LRBA: variants seen among roughly 807,000 people sequenced by gnomAD.
LRBA encodes the protein lipopolysaccharide-responsive and beige-like anchor protein.
LRBA carries 176 observed loss-of-function variants against 330.0 expected under a neutral mutation model. That is an observed-to-expected ratio of 0.53 (90% confidence interval 0.47 to 0.60). The LOEUF is 0.60. Ranked by LOEUF, LRBA falls within the 20% of genes least tolerant of loss-of-function variation. The pLI, the probability that LRBA is intolerant of heterozygous loss-of-function variation, is 0.00. For missense variants in LRBA, 3,259 were observed against 3,444.8 expected (o/e 0.95, Z 1.35); for synonymous variants, 1,230 against 1,193.0 (o/e 1.03, Z -0.64).
chr4:150,788,479 G>A, intron 34 of LRBA, among the ~76,000 whole-genome samples: 1 of 151,986 alleles, frequency 6.6e-6, no homozygotes, highest in Non-Finnish European at 1.5e-5. Context: ...AGGTTACACA[G>A]TAAATAAGTA....
intron 40 of LRBA, chr4:150,582,994 G>A (rs371518534): frequency 1.1e-5 from 17 of 1,538,724 alleles, no homozygotes; most frequent in Middle Eastern, 2.1e-4. Context: ...AACGTATTGC[G>A]AGACGCCGGT....
intron 4 of LRBA, among the ~76,000 whole-genome samples, chr4:150,927,230 G>A (rs1009044910): frequency 7.2e-5 from 11 of 151,728 alleles, no homozygotes; most frequent in East Asian, 1.9e-4. Context: ...AAAATTAGCC[G>A]CACTTGGTGG....
intron 4 of LRBA, among the ~76,000 whole-genome samples, chr4:150,925,874 T>C (rs1192268461): frequency 1.3e-5 from 2 of 152,186 alleles, no homozygotes; most frequent in African/African-American, 4.8e-5. Context: ...GACCTGGACT[T>C]ACCAACCTAC....
intron 2 of LRBA, chr4:151,013,678 T>G (rs1035149300): frequency 5.3e-5 from 8 of 152,094 alleles, no homozygotes; most frequent in African/African-American, 1.9e-4. Flanking sequence ...CTGGGCAACA[T>G]AGAGAGGCCT....
intron 53 of LRBA, among the ~76,000 whole-genome samples, chr4:150,293,100 A>G (rs1178980827): frequency 6.6e-6 from 1 of 152,178 alleles, no homozygotes; most frequent in African/African-American, 2.4e-5. Flanking sequence ...ATTATAGATA[A>G]AAAACAAAAA....
intron 37 of LRBA, among the ~76,000 whole-genome samples, chr4:150,636,765 A>C (rs559183139): frequency 1.6e-4 from 24 of 152,290 alleles, no homozygotes; most frequent in Non-Finnish European, 2.9e-4. Flanking sequence ...CTTCTGCCTC[A>C]GCCTCCCAAG....
intron 34 of LRBA, among the ~76,000 whole-genome samples, chr4:150,791,362 G>A (rs1190655068): frequency 6.6e-6 from 1 of 152,132 alleles, no homozygotes; most frequent in Non-Finnish European, 1.5e-5. Context: ...TTCAACCAAG[G>A]AAAATTGTTA....
chr4:150,502,812 G>C (rs542021278), intron 40 of LRBA, among the ~76,000 whole-genome samples: 136 of 152,320 alleles, frequency 8.9e-4, no homozygotes, highest in Middle Eastern at 3.4e-3. Flanking sequence ...GTCAAAGAAA[G>C]GGGTGACAGA....
chr4:150,285,994 G>A lies in LRBA; in HGVS notation c.8058C>T (p.Asp2686=). 3 of 1,592,948 alleles carry A rather than the reference G, an allele frequency of 1.9e-6. No homozygotes were observed. The highest frequency in any genetic ancestry group is 2.6e-6 in the Non-Finnish European group (3 of 1,169,564). ...AAPRAILTGH[D]YEVTCAAVCA... Reference sequence around the variant, plus strand: ...ACACCGCAGCACATGTGACCTCATAGTCATGGCCGGTCAAAATGGCCCGAG... The same window carrying A: ...ACACCGCAGCACATGTGACCTCATAATCATGGCCGGTCAAAATGGCCCGAG... Residue 2686 remains aspartate, a synonymous_variant, in exon 54 of 57, where the codon GAC becomes GAT. Coordinates refer to ENST00000651943, the MANE Select transcript of LRBA (RefSeq NM_001364905.1).
At chr4:150,670,205 T>C (rs920550971) in intron 37 of LRBA, among the ~76,000 whole-genome samples, 1 of 152,238 alleles carries the variant, frequency 6.6e-6, no homozygotes, top group African/African-American at 2.4e-5. Flanking sequence ...TACTGTGGTG[T>C]CTGCCAAAAG....
At chr4:150,651,791 G>C (rs552260057) in intron 37 of LRBA, among the ~76,000 whole-genome samples, 2 of 152,264 alleles carry the variant, frequency 1.3e-5, no homozygotes, top group Admixed American at 1.3e-4. Context: ...TGCTACAAAT[G>C]GTGTGAGTCA....
rs562981599 is a variant in LRBA, at chr4:150,285,974, G to A, written c.8078C>T (p.Ala2693Val). Residue 2693 changes from alanine to valine, a missense_variant, in exon 54 of 57, where the codon GCG becomes GTG. Physicochemically the swap from Ala to Val is moderately conservative, Grantham distance 64 (BLOSUM62 0). Coordinates refer to ENST00000651943, the MANE Select transcript of LRBA (RefSeq NM_001364905.1). ...TGHDYEVTCA[A>V]VCAELGLVLS... ...CACCAGGCCTAGCTCCGCACACACC[G>A]CAGCACATGTGACCTCATAGTCATG... 3.4e-5 allele frequency: 55 copies of A among 1,599,036 alleles called. No homozygotes were observed. The highest frequency in any genetic ancestry group is 3.3e-4 in the South Asian group (29 of 88,056).
chr4:150,697,325 G>GAAAGAAAAAAAAAAAAAAA lies in LRBA; in HGVS notation c.5755-13609_5755-13608insTTTTTTTTTTTTTTTCTTT, dbSNP rs373474421. ...GGTGACAGAGTGAGACTTTGTCTCA[G>GAAAGAAAAAAAAAAAAAAA]AAAAAAAAAAAAAAAAAAAAAAAAA... On this transcript the variant is annotated intron_variant, in intron 36 of 56. Coordinates refer to ENST00000651943, the MANE Select transcript of LRBA (RefSeq NM_001364905.1). 3.6e-4 allele frequency among the ~76,000 whole-genome samples: 10 copies of GAAAGAAAAAAAAAAAAAAA among 28,056 alleles called. 2 individuals carry two copies. The highest frequency in any genetic ancestry group is 1.1e-3 in the African/African-American group (8 of 7,604). The allele number at this position is 28,056 out of a possible 152,430, so 18.4% of individuals were successfully genotyped here.
chr4:150,505,066 A>G (rs1200782945), intron 40 of LRBA, among the ~76,000 whole-genome samples: 1 of 152,222 alleles, frequency 6.6e-6, no homozygotes, highest in Non-Finnish European at 1.5e-5. Flanking sequence ...GAGCACCTAG[A>G]TTCATAAAGC....
intron 37 of LRBA, among the ~76,000 whole-genome samples, chr4:150,614,800 G>C (rs926673961): frequency 6.6e-6 from 1 of 152,150 alleles, no homozygotes. Context: ...ATCTCCCTAA[G>C]TCATGTAACA....
At chr4:150,738,090 AAG>A in intron 35 of LRBA, among the ~76,000 whole-genome samples, 1 of 149,184 alleles carries the variant, frequency 6.7e-6, no homozygotes, top group South Asian at 2.1e-4. Context: ...TCCTGGGTTC[AAG>A]CGATTCTCCT....
At chr4:150,969,253 A>C (rs980768120) in intron 2 of LRBA, among the ~76,000 whole-genome samples, 3 of 152,234 alleles carry the variant, frequency 2.0e-5, no homozygotes, top group African/African-American at 7.2e-5. Flanking sequence ...TATCTAGGAA[A>C]TACATTTTGT....
chr4:150,625,771 G>A (rs1251414319), intron 37 of LRBA, among the ~76,000 whole-genome samples: 2 of 151,008 alleles, frequency 1.3e-5, no homozygotes, highest in East Asian at 3.9e-4. Context: ...GTGCAGTGGC[G>A]CAAGCTCAGC....
At chr4:150,698,347 A>T (rs543168859) in intron 36 of LRBA, among the ~76,000 whole-genome samples, 9 of 152,312 alleles carry the variant, frequency 5.9e-5, no homozygotes, top group Admixed American at 2.6e-4. Flanking sequence ...CTGAAAGCTT[A>T]AGTAAAGGCT....
Sources: gnomAD v4.1 joint callset for allele counts (sites outside exome capture counted in the v4.1 genomes callset) on GRCh38, gnomAD v4.1.1 for gene constraint, MANE v1.5 for transcripts, NCBI Gene and HGNC (gene_info 2026-07-23, HGNC 2026-07-21) for gene names.